Variants in RBM19 observed in about 807,000 individuals in gnomAD.
RBM19 encodes RNA binding motif protein 19.
A neutral mutation model predicts 116.8 loss-of-function variants in RBM19; 94 were observed. The observed-to-expected ratio is 0.80, with a 90% CI of 0.68 to 0.95. RBM19 has a LOEUF of 0.95. Ranked by LOEUF, RBM19 falls within the 40% of genes least tolerant of loss-of-function variation. The probability of loss-of-function intolerance (pLI) is 0.00; values close to 1 mark genes in which losing one functional copy is unlikely to be tolerated. For synonymous variants in RBM19, 475 were observed against 494.1 expected, an observed-to-expected ratio of 0.96 and a Z score of 0.51; for missense variants, 1,161 against 1,220.7, an observed-to-expected ratio of 0.95 and a Z score of 0.73.
At chr12:113,852,811 C>T (rs1593484189) in intron 22 of RBM19, among the ~76,000 whole-genome samples, 2 of 152,214 alleles carry the variant, frequency 1.3e-5, no homozygotes, top group African/African-American at 4.8e-5. Context: ...GCAAAGAGGC[C>T]GCTTGATGTC....
chr12:113,835,126 C>G (rs1875761002), intron 23 of RBM19, among the ~76,000 whole-genome samples: 1 of 152,182 alleles, frequency 6.6e-6, no homozygotes, highest in Admixed American at 6.5e-5. Context: ...GGGCTTGGAG[C>G]ACATTAGCCA....
chr12:113,847,471 C>T (rs187768837), intron 22 of RBM19, among the ~76,000 whole-genome samples: 11 of 151,994 alleles, frequency 7.2e-5, no homozygotes, highest in African/African-American at 2.2e-4. Flanking sequence ...TTAAAACACA[C>T]GCGTTCTCAG....
At position 113,885,539 on chromosome 12, in the gene RBM19, A is replaced by G. The variant is rs1350468071; in HGVS notation, c.2559-26643T>C. On this transcript the variant is annotated intron_variant, in intron 21 of 23. Transcript: ENST00000261741. ...AGTGGTAGCATTTGGAATAAGATCT[A>G]TAGATAAGATAACATTGTCTCTAGG... Among the ~76,000 whole-genome samples the G allele has an allele frequency of 6.6e-5, 10 of 152,356 alleles. No homozygotes were observed. The South Asian group carries it at 2.1e-3, about 32-fold the overall frequency.
chr12:113,959,819 C>T lies in RBM19; in HGVS notation c.378+46G>A, dbSNP rs753004722. On this transcript the variant is annotated intron_variant, in intron 4 of 23. Coordinates refer to ENST00000261741, the MANE Select transcript of RBM19 (RefSeq NM_016196.4). Reference sequence around the variant, plus strand: ...CCTCTCCAGTCTCCACCCTCTTCCACCTGCTGCCCACCCTCTCTCCTCCTT... The same window carrying T: ...CCTCTCCAGTCTCCACCCTCTTCCATCTGCTGCCCACCCTCTCTCCTCCTT... 1.4e-5 allele frequency: 22 copies of T among 1,608,044 alleles called. No individual in the cohort carries two copies. In the South Asian group the frequency reaches 2.3e-4, roughly 17 times the overall value.
chr12:113,830,470 T>C (rs1875282736), intron 23 of RBM19, among the ~76,000 whole-genome samples: 1 of 151,182 alleles, frequency 6.6e-6, no homozygotes, highest in African/African-American at 2.4e-5. Flanking sequence ...GTCTTGTGTG[T>C]GTGCAGAATT....
downstream of RBM19, chr12:113,817,304 T>C (rs553247979): frequency 1.9e-4 from 29 of 152,368 alleles, no homozygotes; most frequent in African/African-American, 6.7e-4. Flanking sequence ...CGAGTTTCTG[T>C]CTTGTGTCTG....
intron 18 of RBM19, among the ~76,000 whole-genome samples, chr12:113,921,022 T>A (rs77553446): frequency 0.082 from 12,480 of 152,258 alleles, 590 homozygotes; most frequent in East Asian, 0.11. Flanking sequence ...TGGCAAAACC[T>A]CTACCTGGGC....
intron 21 of RBM19, among the ~76,000 whole-genome samples, chr12:113,885,227 C>G (rs907634413): frequency 1.3e-5 from 2 of 152,196 alleles, no homozygotes; most frequent in African/African-American, 4.8e-5. Context: ...ACCAAATGAT[C>G]AAAGATAACA....
At chr12:113,818,213 C>CAA (rs767575044), downstream of RBM19, 15,196 of 68,484 alleles carry the variant, frequency 0.22, 1,896 homozygotes, top group Middle Eastern at 0.34. Flanking sequence ...GACTTTGTCT[C>CAA]AAAAAAAAAA....
chr12:113,889,418 C>G (rs1029860404), intron 21 of RBM19, among the ~76,000 whole-genome samples: 1 of 152,136 alleles, frequency 6.6e-6, no homozygotes, highest in African/African-American at 2.4e-5. Flanking sequence ...CAGCTCAGCC[C>G]CAAACCTGGG....
chr12:113,872,155 T>C (rs982706643), intron 21 of RBM19, among the ~76,000 whole-genome samples: 92 of 139,908 alleles, frequency 6.6e-4, no homozygotes, highest in Non-Finnish European at 1.2e-3. Context: ...GTCTGAGATG[T>C]GGGGAGCGCC....
chr12:113,955,146 C>T lies in RBM19; in HGVS notation c.906G>A (p.Pro302=), dbSNP rs758600203. ...TAGCACATACCTCTGTGACATTGAA[C>T]GGGGCTCCCCGCAGCTTCACGGTGT... The part of the protein sequence containing the change: ...TCHTVKLRGA[P]FNVTEKNVME... The change falls in exon 7 of 24, where the codon CCG becomes CCA. Residue 302 remains proline, a synonymous_variant. Coordinates refer to ENST00000261741, the MANE Select transcript of RBM19 (RefSeq NM_016196.4). 8.7e-6 allele frequency: 14 copies of T among 1,613,930 alleles called. No individual in the cohort carries two copies. The highest frequency in any genetic ancestry group is 4.0e-5 in the African/African-American group (3 of 74,924).
chr12:113,843,962 G>A lies in RBM19; in HGVS notation c.2785+706C>T, dbSNP rs565201137. Among the ~76,000 whole-genome samples, 7 of 152,304 alleles carry A rather than the reference G, an allele frequency of 4.6e-5. No homozygotes were observed. The South Asian group carries it at 1.0e-3, about 23-fold the overall frequency. On this transcript the variant is annotated intron_variant, in intron 23 of 23. Transcript: ENST00000261741. ...TCCTGCTTAGGCAGCCCTTTGTTGGGTACAGATGTCACCTCTGCAGTGAAG... is the reference window on the plus strand; with the variant it reads ...TCCTGCTTAGGCAGCCCTTTGTTGGATACAGATGTCACCTCTGCAGTGAAG...
rs1422660286 is a variant in RBM19, at chr12:113,962,342, T to C, written c.109A>G (p.Lys37Glu). ...TLTDCSLKFT[K>E]DGKFRKFGFI... ...CCAAACTTGCGGAACTTGCCATCTT[T>C]GGTGAACTTCAGGCTGCAGTCTGTC... is the stretch of plus-strand genomic sequence containing the variant. Residue 37 changes from lysine (K) to glutamate (E), a missense_variant, in exon 2 of 24, where the codon AAA becomes GAA. Coordinates refer to ENST00000261741, the MANE Select transcript of RBM19 (RefSeq NM_016196.4). 2 of 1,614,252 alleles carry C rather than the reference T, an allele frequency of 1.2e-6. No homozygotes were observed. The highest frequency in any genetic ancestry group is 1.7e-5 in the Admixed American group (1 of 60,038).
Position 113,862,727 on chromosome 12 carries a change from C to G in RBM19, c.2559-3831G>C, listed in dbSNP as rs144504279. On this transcript the variant is annotated intron_variant, in intron 21 of 23. Transcript: ENST00000261741. ...AACTCCTCCCTGAGCCCAACTCTGC[C>G]GCTCGGGGGGAAGGAGATGCACACC... Among the ~76,000 whole-genome samples the G allele has an allele frequency of 2.2e-4, 33 of 152,176 alleles. No homozygotes were observed. In the East Asian group the frequency reaches 5.4e-3, roughly 25 times the overall value.
chr12:113,876,912 C>G (rs1006375798), intron 21 of RBM19, among the ~76,000 whole-genome samples: 1 of 152,224 alleles, frequency 6.6e-6, no homozygotes, highest in South Asian at 2.1e-4. Context: ...GAATAACCCT[C>G]CCTCCAGAGT....
intron 22 of RBM19, among the ~76,000 whole-genome samples, chr12:113,845,416 C>T (rs748443673): frequency 3.3e-5 from 5 of 152,234 alleles, no homozygotes; most frequent in Non-Finnish European, 7.3e-5. Context: ...CCGACTCCCA[C>T]ATGCTGCCTG....
rs1432909213 is a variant in RBM19, at chr12:113,942,512, G to T, written c.1627-78C>A. ...TGGCCCTCCCATCTCCCAACAGCCT[G>T]AAGAGGAGGCTGGGATGGAAATGGA... On this transcript the variant is annotated intron_variant, in intron 13 of 23. Coordinates refer to ENST00000261741, the MANE Select transcript of RBM19 (RefSeq NM_016196.4). 32 of 1,193,934 alleles carry T rather than the reference G, an allele frequency of 2.7e-5. No individual in the cohort carries two copies. The South Asian group carries it at 4.2e-4, about 16-fold the overall frequency. 74.0% of individuals were successfully genotyped at this position (1,193,934 alleles called of 1,614,324 possible). A position where few individuals can be genotyped will look rare whatever the true frequency, so the allele number is the denominator to read the frequency against.
chr12:113,828,314 C>A (rs973066054), intron 23 of RBM19, among the ~76,000 whole-genome samples: 1 of 152,072 alleles, frequency 6.6e-6, no homozygotes, highest in Admixed American at 6.6e-5. Context: ...CAGACCTGTC[C>A]CCTCCCTGCC....
Sources: gnomAD v4.1 joint callset for allele counts (sites outside exome capture counted in the v4.1 genomes callset) on GRCh38, gnomAD v4.1.1 for gene constraint, MANE v1.5 for transcripts, NCBI Gene and HGNC (gene_info 2026-07-23, HGNC 2026-07-21) for gene names.